ACSM3: variants seen among roughly 807,000 people sequenced by gnomAD.
ACSM3 encodes acyl-coenzyme A synthetase ACSM3, mitochondrial.
A neutral mutation model predicts 74.1 loss-of-function variants in ACSM3; 61 were observed. The ratio of observed to expected loss-of-function variants is 0.82; its 90% CI spans 0.67 to 1.02. The LOEUF (loss-of-function observed/expected upper bound fraction) is 1.02. Ranked by LOEUF, ACSM3 falls within the 50% of genes least tolerant of loss-of-function variation. The pLI is 0.00. For missense variants in ACSM3, 660 were observed against 697.0 expected (o/e 0.95, Z 0.60); for synonymous variants, 213 against 241.5 (o/e 0.88, Z 1.09).
At chr16:20,709,654 G>T (rs2079738167) in intron 1 of ACSM3, among the ~76,000 whole-genome samples, 1 of 152,144 alleles carries the variant, frequency 6.6e-6, no homozygotes, top group South Asian at 2.1e-4. Context: ...ATACTCTAAG[G>T]TATTTTCTTA....
chr16:20,680,890 T>C (rs1241075665), intron 1 of ACSM3: 1 of 152,200 alleles, frequency 6.6e-6, no homozygotes. Flanking sequence ...AGCATGTGTG[T>C]AGTAACAATC....
intron 1 of ACSM3, among the ~76,000 whole-genome samples, chr16:20,740,330 A>C (rs1299744522): frequency 6.6e-6 from 1 of 152,178 alleles, no homozygotes; most frequent in Non-Finnish European, 1.5e-5. Flanking sequence ...CGGAGGTGGA[A>C]GTTGCAGTGA....
intron 1 of ACSM3, chr16:20,697,584 C>T: frequency 6.5e-6 from 1 of 153,122 alleles, no homozygotes; most frequent in Non-Finnish European, 1.5e-5. Flanking sequence ...CACACACACA[C>T]ACACACACAC....
intron 1 of ACSM3, among the ~76,000 whole-genome samples, chr16:20,708,521 A>T (rs1439685135): frequency 6.6e-6 from 1 of 152,232 alleles, no homozygotes; most frequent in Admixed American, 6.5e-5. Flanking sequence ...CAAGAAAACA[A>T]TTCCATTTAT....
chr16:20,675,625 A>G (rs80164137), intron 1 of ACSM3, among the ~76,000 whole-genome samples: 1 of 152,206 alleles, frequency 6.6e-6, no homozygotes, highest in East Asian at 1.9e-4. Flanking sequence ...ATGAAACTGG[A>G]TGTTCAAAAG....
chr16:20,720,667 G>C (rs1355681816), intron 1 of ACSM3, among the ~76,000 whole-genome samples: 2 of 152,194 alleles, frequency 1.3e-5, no homozygotes, highest in Admixed American at 6.5e-5. Flanking sequence ...CTCCACATCA[G>C]GTTTACAAAG....
chr16:20,781,853 G>T (rs2152469674), intron 7 of ACSM3, 66 bp downstream of exon 7: 1 of 1,271,554 alleles, frequency 7.9e-7, no homozygotes. Context: ...TAAAATAAAA[G>T]ATCTTTCTGC....
chr16:20,775,591 C>T (rs947850641), intron 2 of ACSM3, among the ~76,000 whole-genome samples: 2 of 152,146 alleles, frequency 1.3e-5, no homozygotes, highest in Non-Finnish European at 2.9e-5. Context: ...CCAGTGTTCT[C>T]CCTTTGACAC....
chr16:20,746,316 T>C (rs2079958073), intron 1 of ACSM3, among the ~76,000 whole-genome samples: 1 of 152,166 alleles, frequency 6.6e-6, no homozygotes, highest in Admixed American at 6.5e-5. Context: ...TATCCATCCC[T>C]CAGTCTGATC....
At chr16:20,778,527 C>T (rs190992153) in intron 4 of ACSM3, among the ~76,000 whole-genome samples, 2 of 152,304 alleles carry the variant, frequency 1.3e-5, no homozygotes, top group East Asian at 3.9e-4. Flanking sequence ...AGATATATTA[C>T]CTCATTTAAA....
chr16:20,793,957 T>C (rs1018384198), intron 12 of ACSM3, among the ~76,000 whole-genome samples: 3 of 152,014 alleles, frequency 2.0e-5, no homozygotes, highest in Admixed American at 1.3e-4. Context: ...TATAAGTGGG[T>C]TGTGGTCCCC....
In ACSM3 at chr16:20,775,837, A is replaced by C; in HGVS notation, c.220-2A>C. Reference sequence around the variant, plus strand: ...ATCAATGACTGGTTTTTCTTTCCTCAGGCTGGAAAGAAACCTTCAAATCCA... The same window carrying C: ...ATCAATGACTGGTTTTTCTTTCCTCCGGCTGGAAAGAAACCTTCAAATCCA... On this transcript the variant is annotated splice_acceptor_variant, in intron 2 of 13. Coordinates refer to ENST00000289416, the MANE Select transcript of ACSM3 (RefSeq NM_005622.4). LOFTEE classifies it high-confidence loss of function. 3 of 1,613,938 alleles carry C rather than the reference A, an allele frequency of 1.9e-6. No homozygotes were observed. The highest frequency in any genetic ancestry group is 2.5e-6 in the Non-Finnish European group (3 of 1,179,820).
intron 9 of ACSM3, chr16:20,789,430 T>G: frequency 7.6e-7 from 1 of 1,319,424 alleles, no homozygotes; most frequent in Non-Finnish European, 1.1e-6. Context: ...CTTCAGGGAA[T>G]GATGAGGATT....
rs779893812 is a variant in ACSM3 at position 20,691,166 on chromosome 16, C to T, written c.-190+16344C>T. On this transcript the variant is annotated intron_variant, in intron 1 of 3. Coordinates refer to the ACSM3 transcript ENST00000561584. ...GGATTTGTGGATGCCCCAGAGGGTCCGGAACCTCATTAGCCACTGCATGGT... is the reference window on the plus strand; with the variant it reads ...GGATTTGTGGATGCCCCAGAGGGTCTGGAACCTCATTAGCCACTGCATGGT... 26 of 1,600,706 alleles carry T rather than the reference C, an allele frequency of 1.6e-5. No homozygotes were observed. The highest frequency in any genetic ancestry group is 1.7e-4 in the Middle Eastern group (1 of 5,928).
At chr16:20,741,751 A>C in intron 1 of ACSM3, 5 of 1,560,456 alleles carry the variant, frequency 3.2e-6, no homozygotes, top group Non-Finnish European at 4.3e-6. Flanking sequence ...GTGTGCGCAA[A>C]CTGAGAGGAA....
At chr16:20,739,907 G>C (rs946966914) in intron 1 of ACSM3, among the ~76,000 whole-genome samples, 2 of 152,006 alleles carry the variant, frequency 1.3e-5, no homozygotes, top group Admixed American at 6.6e-5. Flanking sequence ...GTTTTCAAAA[G>C]CATCCTGACA....
intron 1 of ACSM3, chr16:20,731,685 T>C (rs913303561): frequency 4.9e-6 from 2 of 408,404 alleles, no homozygotes; most frequent in African/African-American, 2.1e-5. Flanking sequence ...AATTAACTCT[T>C]GAGCTTCAGG....
chr16:20,731,862 T>G, intron 1 of ACSM3: 1 of 221,410 alleles, frequency 4.5e-6, no homozygotes, highest in Non-Finnish European at 8.5e-6. Context: ...CACCTTTGTT[T>G]AGCCCTAAGA....
At chr16:20,752,569 G>A (rs1418839134) in intron 2 of ACSM3, among the ~76,000 whole-genome samples, 4 of 152,070 alleles carry the variant, frequency 2.6e-5, no homozygotes, top group Non-Finnish European at 4.4e-5. Context: ...CACTTATGTC[G>A]GAATCCTTCT....
Sources: gnomAD v4.1 joint callset for allele counts (sites outside exome capture counted in the v4.1 genomes callset) on GRCh38, gnomAD v4.1.1 for gene constraint, MANE v1.5 for transcripts, NCBI Gene and HGNC (gene_info 2026-07-23, HGNC 2026-07-21) for gene names.